SNX30: variants seen among roughly 807,000 people sequenced by gnomAD.
SNX30 encodes sorting nexin family member 30, also known as sorting nexin-30.
A neutral mutation model predicts 46.4 loss-of-function variants in SNX30; 24 were observed. The ratio of observed to expected loss-of-function variants is 0.52; its 90% confidence interval spans 0.37 to 0.73. The LOEUF (loss-of-function observed/expected upper bound fraction) is 0.73, where lower values mean the gene tolerates loss of function less well. SNX30 is among the 30% of genes least tolerant of loss of function. The probability of loss-of-function intolerance (pLI) is 0.00; values close to 1 mark genes in which losing one functional copy is unlikely to be tolerated. For missense variants in SNX30, 533 were observed against 555.7 expected (o/e 0.96, Z 0.41); for synonymous variants, 189 against 211.5 (o/e 0.89, Z 0.92).
intron 1 of SNX30, among the ~76,000 whole-genome samples, chr9:112,763,866 T>A (rs1292736834): frequency 2.0e-5 from 3 of 150,736 alleles, no homozygotes; most frequent in Non-Finnish European, 4.4e-5. Context: ...AAAAAAAAAA[T>A]TATTTGTTTA....
At position 112,836,362 on chromosome 9, in the gene SNX30, TG is replaced by T; in HGVS notation, c.770del (p.Gly257GlufsTer6). ...TACTTAGATACATTTGCACTCAAAC[TG>T]GGAACCATTGATCGAATAGCCCAGC... ...GDYLDTFALK[L>X]GTIDRIAQRI... is the part of the protein sequence containing the mutation. On this transcript the variant is annotated frameshift_variant, in exon 5 of 9. Transcript: ENST00000374232. LOFTEE classifies it high-confidence loss of function. 6.2e-7 allele frequency: 1 copy of T among 1,607,890 alleles called. No individual in the cohort carries two copies. Among genetic ancestry groups the T allele is most frequent in the South Asian group, 1.1e-5 (1 of 90,950 alleles).
At chr9:112,761,877 C>T (rs760421565) in intron 1 of SNX30, among the ~76,000 whole-genome samples, 3 of 150,960 alleles carry the variant, frequency 2.0e-5, no homozygotes, top group Non-Finnish European at 4.4e-5. Flanking sequence ...CCCAGTAGAT[C>T]CAAATAGAGA....
chr9:112,807,367 C>T (rs1840245507), intron 2 of SNX30, among the ~76,000 whole-genome samples: 2 of 152,066 alleles, frequency 1.3e-5, no homozygotes, highest in Admixed American at 1.3e-4. Flanking sequence ...TGTCCGGCTG[C>T]TACCCTGTGT....
intron 2 of SNX30, among the ~76,000 whole-genome samples, chr9:112,809,434 A>G (rs543079877): frequency 6.6e-6 from 1 of 152,318 alleles, no homozygotes; most frequent in African/African-American, 2.4e-5. Flanking sequence ...ACTGTGGTCC[A>G]GTAGCATGGC....
chr9:112,859,791 G>C lies in SNX30; in HGVS notation c.1102-4456G>C, dbSNP rs181722276. 2.6e-5 allele frequency among the ~76,000 whole-genome samples: 4 copies of C among 151,964 alleles called. No individual in the cohort carries two copies. In the East Asian group the frequency reaches 7.8e-4, roughly 30 times the overall value. On this transcript the variant is annotated intron_variant, in intron 7 of 8. Transcript: ENST00000374232. ...TGAAGTGCTGGGATTACAGGTGTGA[G>C]CCGCTGCACCTGGCCTATTTTCTGT...
chr9:112,826,757 C>T (rs1200658828), intron 3 of SNX30, among the ~76,000 whole-genome samples: 2 of 152,108 alleles, frequency 1.3e-5, no homozygotes, highest in East Asian at 3.8e-4. Context: ...ATCTGCTTAG[C>T]ACGAAAAGCT....
At chr9:112,875,207 C>T (rs1293604988), downstream of SNX30, 1 of 152,152 alleles carries the variant, frequency 6.6e-6, no homozygotes, top group Non-Finnish European at 1.5e-5. Flanking sequence ...CTACATCTTC[C>T]ACATCTGCAC....
intron 8 of SNX30, among the ~76,000 whole-genome samples, chr9:112,866,844 A>T (rs535512713): frequency 5.7e-5 from 7 of 123,326 alleles, no homozygotes; most frequent in African/African-American, 1.3e-4. Context: ...CCTCCTCAGA[A>T]CTCCTCCCAC....
rs148785492 is a variant in SNX30 at position 112,794,195 on chromosome 9, T to C, written c.157-10581T>C. ...GAGATGGAGTCTTGCTCTTGTCGCA[T>C]AGGTTGGAGTGCAGTGGCGTGATCT... On this transcript the variant is annotated intron_variant, in intron 1 of 8. Transcript: ENST00000374232. 2.5e-3 allele frequency among the ~76,000 whole-genome samples: 378 copies of C among 152,180 alleles called. 1 individual carries two copies. The highest frequency in any genetic ancestry group is 8.8e-3 in the African/African-American group (366 of 41,520).
At chr9:112,885,226 G>A (rs952482676), downstream of SNX30, 5 of 152,036 alleles carry the variant, frequency 3.3e-5, no homozygotes, top group Admixed American at 6.6e-5. Context: ...CATTCAGGCC[G>A]AGATTTGTAA....
Position 112,804,719 on chromosome 9 carries a change from G to A in SNX30, c.157-57G>A. On this transcript the variant is annotated intron_variant, in intron 1 of 8. Coordinates refer to ENST00000374232, the MANE Select transcript of SNX30 (RefSeq NM_001012994.2). ...TGGTTTGGCTAAACCAGCTGCTTTT[G>A]CTGATACTCTCCAGTATGTTTTCAT... 3 of 1,406,444 alleles carry A rather than the reference G, an allele frequency of 2.1e-6. No homozygotes were observed. In the South Asian group the frequency reaches 4.3e-5, roughly 20 times the overall value. 87.1% of individuals were successfully genotyped at this position (1,406,444 alleles called of 1,614,324 possible).
At position 112,753,089 on chromosome 9, in the gene SNX30, G is replaced by C. The variant is rs563223592; in HGVS notation, c.156+1932G>C. On this transcript the variant is annotated intron_variant, in intron 1 of 8. Transcript: ENST00000374232. ...CAGATTGACACTGGTACAATGTGGGGAGAGGGTGTGAATATCAGGGTGTGT... is the reference window on the plus strand; with the variant it reads ...CAGATTGACACTGGTACAATGTGGGCAGAGGGTGTGAATATCAGGGTGTGT... 3.9e-5 allele frequency among the ~76,000 whole-genome samples: 6 copies of C among 152,348 alleles called. No individual in the cohort carries two copies. In the South Asian group the frequency reaches 6.2e-4, roughly 16 times the overall value.
At chr9:112,794,865 C>G (rs530296227) in intron 1 of SNX30, among the ~76,000 whole-genome samples, 14 of 152,124 alleles carry the variant, frequency 9.2e-5, no homozygotes, top group Admixed American at 5.9e-4. Context: ...CTGCATCTGT[C>G]TTCCTAGGGT....
At chr9:112,825,647 C>T (rs981135822) in intron 3 of SNX30, among the ~76,000 whole-genome samples, 13 of 151,834 alleles carry the variant, frequency 8.6e-5, no homozygotes, top group Admixed American at 7.2e-4. Context: ...AGACATTCTA[C>T]CTGTAAGTCC....
chr9:112,859,273 G>A (rs1050868454), intron 7 of SNX30, among the ~76,000 whole-genome samples: 2 of 152,012 alleles, frequency 1.3e-5, no homozygotes, highest in African/African-American at 4.8e-5. Context: ...TTTTGAGGCT[G>A]AATAATATCC....
chr9:112,838,208 G>C (rs1432271812), intron 5 of SNX30, among the ~76,000 whole-genome samples: 1 of 152,182 alleles, frequency 6.6e-6, no homozygotes, highest in Non-Finnish European at 1.5e-5. Context: ...TATTTTCGAA[G>C]ATGTTTGGTG....
intron 3 of SNX30, among the ~76,000 whole-genome samples, chr9:112,821,572 CGT>C: frequency 6.7e-6 from 1 of 148,542 alleles, no homozygotes; most frequent in East Asian, 2.0e-4. Flanking sequence ...CTGCAAGCTC[CGT>C]CTCCCGGGTT....
At chr9:112,750,538 C>A (rs1839246448), upstream of SNX30, 1 of 152,418 alleles carries the variant, frequency 6.6e-6, no homozygotes, top group South Asian at 2.1e-4. Context: ...CTCCGCACGG[C>A]GGCCTCCGCG....
intron 7 of SNX30, among the ~76,000 whole-genome samples, 161 bp downstream of exon 7, chr9:112,851,106 G>C (rs1841017931): frequency 6.6e-6 from 1 of 152,148 alleles, no homozygotes; most frequent in Non-Finnish European, 1.5e-5. Flanking sequence ...CTATTTCTGC[G>C]AGTTCCTAGT....
Sources: allele counts gnomAD v4.1 joint callset (sites outside exome capture counted in the v4.1 genomes callset), GRCh38; gene constraint gnomAD v4.1.1; transcripts MANE v1.5; gene names NCBI Gene and HGNC (gene_info 2026-07-23, HGNC 2026-07-21).